The following SMARCC1 variants were observed in gnomAD, a reference collection of about 807,000 sequenced individuals.
SMARCC1 encodes the protein SWI/SNF related BAF chromatin remodeling complex subunit C1, also known as SWI/SNF complex subunit SMARCC1.
SMARCC1 carries 43 observed loss-of-function variants against 147.4 expected under a neutral mutation model. The ratio of observed to expected loss-of-function variants is 0.29; its 90% CI spans 0.23 to 0.38. The LOEUF is 0.38. SMARCC1 is among the 10% of genes least tolerant of loss of function. The pLI is 1.00. For synonymous variants in SMARCC1, 495 were observed against 484.4 expected (o/e 1.02, Z -0.29); for missense variants, 1,119 against 1,381.1 (o/e 0.81, Z 3.01).
At chr3:47,654,506 G>A (rs1324288617) in intron 21 of SMARCC1, among the ~76,000 whole-genome samples, 5 of 152,168 alleles carry the variant, frequency 3.3e-5, no homozygotes, top group South Asian at 2.1e-4. Context: ...AATAATTTGC[G>A]CAGAGGACTG....
Position 47,710,806 on chromosome 3 carries a change from A to G in SMARCC1, c.795T>C (p.Val265=). ...CAGTGTCCAAAATCCATTTCACATG[A>G]ACCTAAAACCATATCAAAGCATCAA... is the stretch of plus-strand genomic sequence containing the variant. ...DPPIPEKPWK[V]HVKWILDTDI... Residue 265 remains valine (V), a splice_region_variant and synonymous_variant, in exon 9 of 28, where the codon GTT becomes GTC. Transcript: ENST00000254480. 1.2e-6 allele frequency: 2 copies of G among 1,605,424 alleles called. No individual in the cohort carries two copies. Among genetic ancestry groups the G allele is most frequent in the Non-Finnish European group, 1.7e-6 (2 of 1,176,812 alleles).
At position 47,587,120 on chromosome 3, in the gene SMARCC1, C is replaced by G. The variant is rs1403318174; in HGVS notation, c.*1089G>C. On this transcript the variant is annotated 3_prime_UTR_variant, in exon 28 of 28. Transcript: ENST00000254480. ...CCGTCCCATCCTAACCTTAAAAGTA[C>G]CGGTTGACGAAATTCCACTCCCTGG... 6.6e-6 allele frequency: 1 copy of G among 152,554 alleles called. No homozygotes were observed. The highest frequency in any genetic ancestry group is 2.4e-5 in the African/African-American group (1 of 41,402). The allele number at this position is 152,554 out of a possible 1,614,324, so 9.5% of individuals were successfully genotyped here.
intron 19 of SMARCC1, among the ~76,000 whole-genome samples, chr3:47,663,209 GGGGAGGAA>G (rs2033373918): frequency 5.7e-5 from 2 of 34,914 alleles, no homozygotes; most frequent in African/African-American, 9.4e-5. Context: ...GGGGAGGGGA[GGGGAGGAA>G]GGAAGGAAGG....
intron 24 of SMARCC1, among the ~76,000 whole-genome samples, chr3:47,625,288 C>CTTCTTTATTT (rs1226428901): frequency 6.6e-6 from 1 of 151,726 alleles, no homozygotes; most frequent in Non-Finnish European, 1.5e-5. Flanking sequence ...GGCAAAATCC[C>CTTCTTTATTT]TTCTTTATTT....
intron 21 of SMARCC1, among the ~76,000 whole-genome samples, chr3:47,650,036 G>A (rs1289224538): frequency 6.6e-6 from 1 of 151,806 alleles, no homozygotes; most frequent in Non-Finnish European, 1.5e-5. Context: ...CAGCACTTTG[G>A]GAGGCCGAGG....
chr3:47,645,297 CA>C (rs768500597), intron 21 of SMARCC1, among the ~76,000 whole-genome samples: 280 of 107,178 alleles, frequency 2.6e-3, no homozygotes, highest in Admixed American at 2.9e-3. Context: ...TCCCCCCCAC[CA>C]AAAAAAAAAA....
chr3:47,703,810 TTTTTGA>T (rs1267044232), intron 10 of SMARCC1, among the ~76,000 whole-genome samples: 1 of 152,162 alleles, frequency 6.6e-6, no homozygotes, highest in Non-Finnish European at 1.5e-5. Flanking sequence ...TTTGTTTTTG[TTTTTGA>T]GATAGAGTCT....
rs2293226 is a variant in SMARCC1, at chr3:47,585,292, G to C, written c.*2917C>G. On this transcript the variant is annotated 3_prime_UTR_variant, in exon 28 of 28. Coordinates refer to ENST00000254480, the MANE Select transcript of SMARCC1 (RefSeq NM_003074.4). ...AGTTTATAAACCAGTCTTTAGTTTC[G>C]ATAAAGGATTAACCTCCCCCAACAT... The C allele has an allele frequency of 0.6, 90,961 of 152,048 alleles. 28,400 individuals are homozygous for C. Among genetic ancestry groups the C allele is most frequent in the East Asian group, 0.72 (3,736 of 5,180 alleles). 9.4% of individuals were successfully genotyped at this position (152,048 alleles called of 1,614,324 possible).
chr3:47,781,535 G>A (rs1169994053), intron 1 of SMARCC1, 68 bp downstream of exon 1: 13 of 1,210,434 alleles, frequency 1.1e-5, no homozygotes, highest in South Asian at 5.4e-5. Context: ...CCCGAGGCCC[G>A]CGAGGCCAGC....
chr3:47,665,497 C>T (rs998413594), intron 19 of SMARCC1, among the ~76,000 whole-genome samples: 1 of 151,894 alleles, frequency 6.6e-6, no homozygotes, highest in Admixed American at 6.6e-5. Context: ...TTTTCATGTT[C>T]CTTTCGCCAG....
intron 19 of SMARCC1, among the ~76,000 whole-genome samples, chr3:47,668,617 G>A (rs2033454090): frequency 6.6e-6 from 1 of 152,126 alleles, no homozygotes; most frequent in South Asian, 2.1e-4. Flanking sequence ...TCAAAGGGGT[G>A]TGCTCAAGAA....
rs534753520 is a variant in SMARCC1 at position 47,746,347 on chromosome 3, G to A, written c.316-354C>T. 9.2e-5 allele frequency: 15 copies of A among 162,450 alleles called. No individual in the cohort carries two copies. The East Asian group carries it at 2.6e-3, about 28-fold the overall frequency. 10.1% of individuals were successfully genotyped at this position (162,450 alleles called of 1,614,324 possible). Reference sequence around the variant, plus strand: ...CACCTGCAATCCTATCCAGGAGGCTGGGGTGGGAGGATCACTTCAGCCTGA... The same window carrying A: ...CACCTGCAATCCTATCCAGGAGGCTAGGGTGGGAGGATCACTTCAGCCTGA... On this transcript the variant is annotated intron_variant, in intron 2 of 27. Transcript: ENST00000254480.
chr3:47,662,644 G>A (rs1323469734), intron 19 of SMARCC1, 52 bp from the exon 20 acceptor site: 6 of 1,497,170 alleles, frequency 4.0e-6, no homozygotes, highest in Non-Finnish European at 5.5e-6. Flanking sequence ...AAAGTAATGT[G>A]TAATATTAGA....
chr3:47,758,421 T>C (rs1022780578), intron 2 of SMARCC1, among the ~76,000 whole-genome samples: 7 of 150,640 alleles, frequency 4.6e-5, no homozygotes, highest in Admixed American at 2.0e-4. Flanking sequence ...TGGTAGTATA[T>C]GCCTAGGCTA....
intron 10 of SMARCC1, among the ~76,000 whole-genome samples, chr3:47,704,220 A>G (rs1385370477): frequency 2.0e-5 from 3 of 152,236 alleles, no homozygotes; most frequent in African/African-American, 7.2e-5. Context: ...TAAAGGCAGC[A>G]GAGAGATAAA....
At chr3:47,612,225 G>C (rs958043114) in intron 25 of SMARCC1, among the ~76,000 whole-genome samples, 1 of 152,140 alleles carries the variant, frequency 6.6e-6, no homozygotes, top group African/African-American at 2.4e-5. Flanking sequence ...TAAAAGGTGG[G>C]GTGGGAAATC....
At chr3:47,657,052 A>C (rs2033271962) in intron 21 of SMARCC1, among the ~76,000 whole-genome samples, 1 of 152,242 alleles carries the variant, frequency 6.6e-6, no homozygotes, top group Non-Finnish European at 1.5e-5. Flanking sequence ...AAAAGATAAA[A>C]GGTTCAATAC....
chr3:47,769,210 C>CAA (rs1553692338), intron 2 of SMARCC1, among the ~76,000 whole-genome samples: 74 of 32,612 alleles, frequency 2.3e-3, no homozygotes, highest in African/African-American at 5.7e-3. Context: ...GACTCCGTCT[C>CAA]AAAAAAAAAA....
chr3:47,675,547 G>A lies in SMARCC1; in HGVS notation c.1767C>T (p.Asn589=). The change falls in exon 18 of 28, where the codon AAC becomes AAT. Residue 589 remains asparagine, a synonymous_variant. Coordinates refer to ENST00000254480, the MANE Select transcript of SMARCC1 (RefSeq NM_003074.4). ...AQQMLNFPEK[N]KEKPVDLQNF... ...TCTGCAAATCAACTGGTTTTTCCTT[G>A]TTTTTCTCAGGAAAATTTAGCATCT... 1 of 1,612,178 alleles carries A rather than the reference G, an allele frequency of 6.2e-7. No individual in the cohort carries two copies. Among genetic ancestry groups the A allele is most frequent in the East Asian group, 2.2e-5 (1 of 44,866 alleles).
Sources: gnomAD v4.1 joint callset for allele counts (sites outside exome capture counted in the v4.1 genomes callset) on GRCh38, gnomAD v4.1.1 for gene constraint, MANE v1.5 for transcripts, NCBI Gene and HGNC (gene_info 2026-07-23, HGNC 2026-07-21) for gene names.